Variants in KLHL29 observed in about 807,000 individuals in gnomAD.
KLHL29 encodes kelch-like protein 29.
A neutral mutation model predicts 80.4 loss-of-function variants in KLHL29; 21 were observed. The ratio of observed to expected loss-of-function variants is 0.26; its 90% confidence interval spans 0.19 to 0.38. KLHL29 has a LOEUF of 0.38. KLHL29 is among the 10% of genes least tolerant of loss of function. KLHL29 has a pLI of 1.00. For synonymous variants in KLHL29, 511 were observed against 526.8 expected, an observed-to-expected ratio of 0.97 and a Z score of 0.41; for missense variants, 867 against 1,223.9, an observed-to-expected ratio of 0.71 and a Z score of 4.35.
At chr2:23,459,544 T>A (rs910576577) in intron 1 of KLHL29, among the ~76,000 whole-genome samples, 4 of 152,060 alleles carry the variant, frequency 2.6e-5, no homozygotes, top group African/African-American at 9.7e-5. Context: ...TGACGACCAA[T>A]GAAGCAGGAT....
At chr2:23,649,059 T>C (rs558771211) in intron 5 of KLHL29, among the ~76,000 whole-genome samples, 6 of 152,358 alleles carry the variant, frequency 3.9e-5, no homozygotes, top group African/African-American at 1.2e-4. Context: ...TGACCACTAC[T>C]GTAAATCCTA....
intron 6 of KLHL29, chr2:23,691,465 AG>A: frequency 1.7e-6 from 1 of 597,344 alleles, no homozygotes; most frequent in Non-Finnish European, 3.0e-6. Context: ...AGTGATAAGC[AG>A]GGTTTTCTGT....
intron 1 of KLHL29, among the ~76,000 whole-genome samples, chr2:23,474,306 G>A (rs1333244975): frequency 1.3e-5 from 2 of 152,108 alleles, no homozygotes; most frequent in Non-Finnish European, 2.9e-5. Flanking sequence ...CCTAAAAATG[G>A]TTTGACCCCT....
intron 2 of KLHL29, among the ~76,000 whole-genome samples, chr2:23,557,124 T>C (rs1667318075): frequency 1.3e-5 from 2 of 152,230 alleles, no homozygotes; most frequent in Non-Finnish European, 2.9e-5. Context: ...TGTCGGTAAT[T>C]GCTTGACCAG....
chr2:23,436,621 C>T (rs1001293986), intron 1 of KLHL29, among the ~76,000 whole-genome samples: 3 of 152,164 alleles, frequency 2.0e-5, no homozygotes, highest in South Asian at 2.1e-4. Flanking sequence ...TTCAGCGCTG[C>T]GAAGCGGGAA....
In KLHL29 at chr2:23,684,897, C is replaced by G. The variant is rs941268456; in HGVS notation, c.1079+360C>G. 1.3e-5 allele frequency among the ~76,000 whole-genome samples: 2 copies of G among 152,094 alleles called. No homozygotes were observed. Among genetic ancestry groups the G allele is most frequent in the African/African-American group, 2.4e-5 (1 of 41,428 alleles). ...GACTGTAGGCTCCATTTTAAGGGAT[C>G]ACTACACACTGCCCCCACCGGGCCA... On this transcript the variant is annotated intron_variant, in intron 6 of 13. Transcript: ENST00000486442. This position sits in a 1 kb window ranked among gnomAD's most constrained non-coding sequence, Gnocchi z 4.4.
intron 3 of KLHL29, among the ~76,000 whole-genome samples, chr2:23,577,754 A>G (rs919196357): frequency 6.6e-6 from 1 of 151,996 alleles, no homozygotes; most frequent in Non-Finnish European, 1.5e-5. Flanking sequence ...ATCTCAAAAA[A>G]AAAAAAAAGA....
At chr2:23,514,354 A>AGT (rs1271529217) in intron 2 of KLHL29, among the ~76,000 whole-genome samples, 5 of 152,190 alleles carry the variant, frequency 3.3e-5, no homozygotes, top group African/African-American at 9.7e-5. Context: ...TTAGAGCTAT[A>AGT]GTGCCCCAGA....
At chr2:23,420,587 G>A (rs577464629) in intron 1 of KLHL29, among the ~76,000 whole-genome samples, 120 of 152,318 alleles carry the variant, frequency 7.9e-4, no homozygotes, top group South Asian at 1.7e-3. Context: ...CTGATAGATC[G>A]TGTGTATTTT....
intron 6 of KLHL29, chr2:23,691,229 G>A: frequency 4.5e-6 from 1 of 220,398 alleles, no homozygotes; most frequent in South Asian, 7.5e-5. Flanking sequence ...GGATTGGCTG[G>A]CATCACAGCC....
At position 23,560,460 on chromosome 2, in the gene KLHL29, G is replaced by A. The variant is rs143082811; in HGVS notation, c.-45-1692G>A. 2.3e-3 allele frequency among the ~76,000 whole-genome samples: 354 copies of A among 152,092 alleles called. 1 individual carries two copies. The highest frequency in any genetic ancestry group is 8.1e-3 in the African/African-American group (335 of 41,500). On this transcript the variant is annotated intron_variant, in intron 2 of 13. Coordinates refer to ENST00000486442, the MANE Select transcript of KLHL29 (RefSeq NM_052920.2). ...TAATTTTAGTGTTTTTAGTAGAGATGGGGTTTCACTGTGTTGGCCAAGATG... is the reference window on the plus strand; with the variant it reads ...TAATTTTAGTGTTTTTAGTAGAGATAGGGTTTCACTGTGTTGGCCAAGATG...
intron 1 of KLHL29, among the ~76,000 whole-genome samples, chr2:23,452,068 GT>G (rs1186225815): frequency 2.6e-5 from 4 of 152,164 alleles, no homozygotes; most frequent in African/African-American, 9.6e-5. Flanking sequence ...CTAGAGTGCA[GT>G]GGTGCGATCA....
At chr2:23,532,359 G>T (rs906901868) in intron 2 of KLHL29, among the ~76,000 whole-genome samples, 1 of 152,214 alleles carries the variant, frequency 6.6e-6, no homozygotes, top group Non-Finnish European at 1.5e-5. Flanking sequence ...CTGGCAAGGA[G>T]AAAAAGTACT....
At position 23,420,196 on chromosome 2, in the gene KLHL29, A is replaced by G. The variant is rs193275736; in HGVS notation, c.-154+34416A>G. On this transcript the variant is annotated intron_variant, in intron 1 of 13. Transcript: ENST00000486442. The stretch of plus-strand genomic sequence containing the variant: ...GACCCTCACGGACTCCGCATCGTCT[A>G]TCCAATAAGAACAATCCCTCAGCCA... Among the ~76,000 whole-genome samples, 154 of 152,130 alleles carry G rather than the reference A, an allele frequency of 1.0e-3. 2 individuals are homozygous for G. Among genetic ancestry groups the G allele is most frequent in the Admixed American group, 7.3e-3 (111 of 15,286 alleles).
chr2:23,427,248 C>T (rs1372587603), intron 1 of KLHL29, among the ~76,000 whole-genome samples: 5 of 152,134 alleles, frequency 3.3e-5, no homozygotes, highest in Non-Finnish European at 7.3e-5. Flanking sequence ...ATTTTTGCGG[C>T]GTTCTATATT....
chr2:23,537,827 A>G (rs752979607), intron 2 of KLHL29, among the ~76,000 whole-genome samples: 9 of 152,160 alleles, frequency 5.9e-5, no homozygotes, highest in South Asian at 4.1e-4. Context: ...CAAGGAGCTC[A>G]TTGGATCCTG....
At chr2:23,655,073 C>T (rs910254424) in intron 5 of KLHL29, among the ~76,000 whole-genome samples, 3 of 152,140 alleles carry the variant, frequency 2.0e-5, no homozygotes, top group Admixed American at 1.3e-4. Context: ...TCTCCAAAAC[C>T]GTTGTTGGGA....
At chr2:23,648,327 C>T (rs1298260968) in intron 5 of KLHL29, among the ~76,000 whole-genome samples, 1 of 152,068 alleles carries the variant, frequency 6.6e-6, no homozygotes, top group East Asian at 1.9e-4. Flanking sequence ...TAGAATATTG[C>T]CTAGCATGCA....
rs1664391996 is a variant in KLHL29 at position 23,467,760 on chromosome 2, A to C, written c.-153-7800A>C. 2.0e-5 allele frequency among the ~76,000 whole-genome samples: 3 copies of C among 152,258 alleles called. No individual in the cohort carries two copies. In the South Asian group the frequency reaches 6.2e-4, roughly 32 times the overall value. On this transcript the variant is annotated intron_variant, in intron 1 of 13. Transcript: ENST00000486442. ...CGCTGGCTGCAGGCGGGATGGGAAC[A>C]GGGGCTCTGTGAAGGCTGAAATTCA...
Sources: allele counts gnomAD v4.1 joint callset (sites outside exome capture counted in the v4.1 genomes callset), GRCh38; gene constraint gnomAD v4.1.1; non-coding constraint Gnocchi (gnomAD v3.1); transcripts MANE v1.5; gene names NCBI Gene and HGNC (gene_info 2026-07-23, HGNC 2026-07-21).